The following DVL2 variants were observed in gnomAD, a reference collection of about 807,000 sequenced individuals.
DVL2 encodes dishevelled segment polarity protein 2.
In DVL2, 38 loss-of-function variants were observed where a neutral mutation model predicts 69.8. That is an observed-to-expected ratio of 0.54 (90% CI 0.42 to 0.71). The LOEUF (loss-of-function observed/expected upper bound fraction) is 0.71. DVL2 is among the 30% of genes least tolerant of loss of function. The pLI, the probability that DVL2 is intolerant of heterozygous loss-of-function variation, is 0.00. For missense variants in DVL2, 931 were observed against 1,008.1 expected (o/e 0.92, Z 1.04); for synonymous variants, 428 against 392.4 (o/e 1.09, Z -1.07).
At position 7,230,799 on chromosome 17, in the gene DVL2, T is replaced by C. The variant is rs1326189669; in HGVS notation, c.195-2A>G. 6.2e-7 allele frequency: 1 copy of C among 1,612,148 alleles called. No homozygotes were observed. The highest frequency in any genetic ancestry group is 1.7e-5 in the Admixed American group (1 of 59,808). On this transcript the variant is annotated splice_acceptor_variant, in intron 1 of 14. Transcript: ENST00000005340. LOFTEE classifies it high-confidence loss of function. ...TCTGAAATTTCTTCCTTCACCACCC[T>C]GCCAAGCGACAAGGTAGAGGTCAGT... is the stretch of plus-strand genomic sequence containing the variant.
Sources: gnomAD v4.1 joint callset for allele counts on GRCh38, gnomAD v4.1.1 for gene constraint, MANE v1.5 for transcripts, NCBI Gene and HGNC (gene_info 2026-07-23, HGNC 2026-07-21) for gene names.